Variants in ALCAM observed in about 807,000 individuals in gnomAD.
The protein encoded by ALCAM is CD166 antigen.
ALCAM carries 30 observed loss-of-function variants against 70.9 expected under a neutral mutation model. That is an observed-to-expected ratio of 0.42 (90% CI 0.32 to 0.57). ALCAM has a LOEUF of 0.57. Ranked by LOEUF, ALCAM falls within the 20% of genes least tolerant of loss-of-function variation. The probability of loss-of-function intolerance (pLI) is 0.11; values close to 1 mark genes in which losing one functional copy is unlikely to be tolerated. For synonymous variants in ALCAM, 249 were observed against 242.5 expected, an observed-to-expected ratio of 1.03 and a Z score of -0.25; for missense variants, 591 against 695.1, an observed-to-expected ratio of 0.85 and a Z score of 1.68.
chr3:105,423,128 ATCAAAG>A (rs1309147459), intron 1 of ALCAM, among the ~76,000 whole-genome samples: 1 of 151,448 alleles, frequency 6.6e-6, no homozygotes, highest in Non-Finnish European at 1.5e-5. Flanking sequence ...TAGATGGTGA[ATCAAAG>A]TCTTTAGAGT....
At chr3:105,403,232 C>A (rs766749672) in intron 1 of ALCAM, among the ~76,000 whole-genome samples, 15 of 152,156 alleles carry the variant, frequency 9.9e-5, no homozygotes, top group Non-Finnish European at 1.6e-4. Context: ...CAGGTGTGAA[C>A]CGCCACACCC....
At chr3:105,464,302 C>A (rs188526161) in intron 1 of ALCAM, among the ~76,000 whole-genome samples, 1 of 150,888 alleles carries the variant, frequency 6.6e-6, no homozygotes, top group East Asian at 1.9e-4. Context: ...GTGCATAATC[C>A]TGGTTCCCAA....
chr3:105,552,369 G>A, intron 13 of ALCAM, 99 bp from the exon 14 acceptor site: 1 of 1,363,980 alleles, frequency 7.3e-7, no homozygotes, highest in Admixed American at 1.8e-5. Flanking sequence ...TTACTGTAGT[G>A]AGCTTTAGTC....
chr3:105,462,665 T>C (rs1243276346), intron 1 of ALCAM, among the ~76,000 whole-genome samples: 2 of 151,360 alleles, frequency 1.3e-5, no homozygotes, highest in Admixed American at 1.3e-4. Flanking sequence ...CATAGCAAAG[T>C]AAATTATAGA....
chr3:105,371,527 T>C (rs201811369), intron 1 of ALCAM, among the ~76,000 whole-genome samples: 14 of 151,546 alleles, frequency 9.2e-5, no homozygotes, highest in Admixed American at 2.6e-4. Context: ...CTTTTTTTTT[T>C]TCTCTTTTTT....
chr3:105,525,072 A>T (rs1576221176), intron 3 of ALCAM: 17 of 930,430 alleles, frequency 1.8e-5, no homozygotes, highest in Non-Finnish European at 2.2e-5. Context: ...AGAGATATAG[A>T]TACATTTCCA....
At position 105,523,514 on chromosome 3, in the gene ALCAM, A is replaced by T. The variant is rs1369049452; in HGVS notation, c.175-775A>T. On this transcript the variant is annotated intron_variant, in intron 2 of 15. Transcript: ENST00000306107. ...TCTCAAAGGTCTTGTAGGGTACATA[A>T]AGGAGGGACTGCCCCTGATTTTACA... Among the ~76,000 whole-genome samples the T allele has an allele frequency of 3.3e-5, 5 of 152,218 alleles. No homozygotes were observed. In the East Asian group the frequency reaches 9.6e-4, roughly 29 times the overall value.
At chr3:105,563,663 A>ATTTTT (rs1940677356) in intron 14 of ALCAM, among the ~76,000 whole-genome samples, 2 of 72,546 alleles carry the variant, frequency 2.8e-5, no homozygotes, top group African/African-American at 1.4e-4. Flanking sequence ...AATTCCAAGC[A>ATTTTT]TTTCTTTTTT....
chr3:105,454,883 T>C (rs1937514618), intron 1 of ALCAM, among the ~76,000 whole-genome samples: 1 of 151,576 alleles, frequency 6.6e-6, no homozygotes, highest in Non-Finnish European at 1.5e-5. Flanking sequence ...TTTCACCAGG[T>C]TGACCAGGCT....
At chr3:105,412,525 A>G (rs1576146001) in intron 1 of ALCAM, among the ~76,000 whole-genome samples, 1 of 152,148 alleles carries the variant, frequency 6.6e-6, no homozygotes, top group Admixed American at 6.6e-5. Flanking sequence ...TATGCAAATT[A>G]TTAATCTTGT....
chr3:105,506,261 G>T (rs1276711287), intron 1 of ALCAM, among the ~76,000 whole-genome samples: 2 of 152,160 alleles, frequency 1.3e-5, no homozygotes. Flanking sequence ...TCTAGGGGTG[G>T]TGTTCTTATT....
At chr3:105,501,927 A>C (rs536883428) in intron 1 of ALCAM, among the ~76,000 whole-genome samples, 1 of 152,374 alleles carries the variant, frequency 6.6e-6, no homozygotes, top group Non-Finnish European at 1.5e-5. Flanking sequence ...CTCAAGTTAC[A>C]GTTGAAAACA....
At chr3:105,440,111 A>G (rs1308639243) in intron 1 of ALCAM, among the ~76,000 whole-genome samples, 1 of 152,222 alleles carries the variant, frequency 6.6e-6, no homozygotes, top group Non-Finnish European at 1.5e-5. Context: ...ATCAATGAAA[A>G]TTAACGTGAT....
Position 105,547,631 on chromosome 3 carries a change from G to A in ALCAM, c.1374+108G>A, listed in dbSNP as rs1940285194. ...TGTTACCACATAAAATTTGCAGTGT[G>A]TAGGTTGGTTTGTTACCACATAGAA... On this transcript the variant is annotated intron_variant, in intron 11 of 15. Transcript: ENST00000306107. The A allele has an allele frequency of 4.1e-5, 58 of 1,409,432 alleles. No individual in the cohort carries two copies. The South Asian group carries it at 7.6e-4, about 18-fold the overall frequency. 87.3% of individuals were successfully genotyped at this position (1,409,432 alleles called of 1,614,324 possible).
At chr3:105,448,248 A>G (rs756111433) in intron 1 of ALCAM, among the ~76,000 whole-genome samples, 6 of 152,184 alleles carry the variant, frequency 3.9e-5, no homozygotes, top group Non-Finnish European at 5.9e-5. Flanking sequence ...GATTTTTACC[A>G]CATTTCCACC....
At chr3:105,488,854 A>T (rs988801697) in intron 1 of ALCAM, among the ~76,000 whole-genome samples, 4 of 151,964 alleles carry the variant, frequency 2.6e-5, no homozygotes, top group Admixed American at 6.6e-5. Context: ...ACCTTGTTGG[A>T]CTCCCGTATT....
At chr3:105,469,657 C>T (rs986551665) in intron 1 of ALCAM, among the ~76,000 whole-genome samples, 2 of 151,088 alleles carry the variant, frequency 1.3e-5, no homozygotes, top group African/African-American at 4.8e-5. Flanking sequence ...ATTTATTCCA[C>T]AATTTGTAGC....
chr3:105,440,926 T>A (rs976887410), intron 1 of ALCAM: 2 of 152,148 alleles, frequency 1.3e-5, no homozygotes, highest in African/African-American at 4.8e-5. Flanking sequence ...GGGAAAGGAA[T>A]GAAGGCATGG....
At chr3:105,393,513 T>C (rs1255923399) in intron 1 of ALCAM, among the ~76,000 whole-genome samples, 1 of 151,862 alleles carries the variant, frequency 6.6e-6, no homozygotes, top group Non-Finnish European at 1.5e-5. Flanking sequence ...TGGCATAGTA[T>C]TTCTGGAGAA....
Sources: allele counts gnomAD v4.1 joint callset (sites outside exome capture counted in the v4.1 genomes callset), GRCh38; gene constraint gnomAD v4.1.1; transcripts MANE v1.5; gene names NCBI Gene and HGNC (gene_info 2026-07-23, HGNC 2026-07-21).